GTF2F2: variants seen among roughly 807,000 people sequenced by gnomAD.
GTF2F2 encodes the protein general transcription factor IIF subunit 2.
In GTF2F2, 23 loss-of-function variants were observed where a neutral mutation model predicts 42.2. The ratio of observed to expected loss-of-function variants is 0.55; its 90% CI spans 0.39 to 0.77. The LOEUF (loss-of-function observed/expected upper bound fraction) is 0.77, where lower values mean the gene tolerates loss of function less well. Ranked by LOEUF, GTF2F2 falls within the 30% of genes least tolerant of loss-of-function variation. The pLI is 0.00. For synonymous variants in GTF2F2, 105 were observed against 100.8 expected (o/e 1.04, Z -0.25); for missense variants, 261 against 287.2 (o/e 0.91, Z 0.66).
intron 5 of GTF2F2, among the ~76,000 whole-genome samples, chr13:45,231,394 C>T (rs1395193439): frequency 6.6e-6 from 1 of 152,200 alleles, no homozygotes; most frequent in Non-Finnish European, 1.5e-5. Context: ...GCATGAGCCA[C>T]TGTGCCGGCC....
At chr13:45,248,534 C>T (rs572786716) in intron 5 of GTF2F2, among the ~76,000 whole-genome samples, 9 of 151,868 alleles carry the variant, frequency 5.9e-5, no homozygotes, top group South Asian at 2.1e-4. Context: ...AGTGCAATGG[C>T]GCGATCTCAG....
At chr13:45,149,266 C>T (rs2138116716) in intron 2 of GTF2F2, among the ~76,000 whole-genome samples, 1 of 148,108 alleles carries the variant, frequency 6.8e-6, no homozygotes, top group South Asian at 2.1e-4. Context: ...GAGACCTTGT[C>T]TCTACAAAAA....
At chr13:45,147,874 T>A (rs1870279187) in intron 2 of GTF2F2, among the ~76,000 whole-genome samples, 1 of 152,214 alleles carries the variant, frequency 6.6e-6, no homozygotes, top group African/African-American at 2.4e-5. Flanking sequence ...CTCACTCACT[T>A]CTTTTCCTGG....
intron 5 of GTF2F2, among the ~76,000 whole-genome samples, chr13:45,221,207 A>G (rs1346144709): frequency 6.6e-6 from 1 of 152,080 alleles, no homozygotes; most frequent in East Asian, 1.9e-4. Context: ...GCAGTTTCTC[A>G]GGTAAAAAAC....
chr13:45,190,643 C>T (rs1021991099), intron 4 of GTF2F2, among the ~76,000 whole-genome samples: 4 of 152,160 alleles, frequency 2.6e-5, no homozygotes, highest in African/African-American at 9.7e-5. Flanking sequence ...ATGTATGTTC[C>T]TAGCATGGTA....
At chr13:45,153,593 C>T (rs905464676) in intron 4 of GTF2F2, among the ~76,000 whole-genome samples, 23 of 152,030 alleles carry the variant, frequency 1.5e-4, no homozygotes, top group African/African-American at 5.6e-4. Context: ...ATATTTATTG[C>T]GTGCTACATA....
intron 7 of GTF2F2, among the ~76,000 whole-genome samples, chr13:45,274,820 A>G (rs7987868): frequency 0.96 from 145,419 of 152,084 alleles, 69,598 homozygotes; most frequent in East Asian, 1. Flanking sequence ...GCATGTGCCT[A>G]TAGTTCCCGG....
chr13:45,259,912 A>C (rs1201127028), intron 6 of GTF2F2, among the ~76,000 whole-genome samples: 1 of 152,104 alleles, frequency 6.6e-6, no homozygotes, highest in Non-Finnish European at 1.5e-5. Flanking sequence ...TTTAAAAAGA[A>C]TTAATATTTC....
intron 4 of GTF2F2, among the ~76,000 whole-genome samples, chr13:45,159,388 TTTTC>T (rs768582205): frequency 2.6e-5 from 4 of 152,184 alleles, no homozygotes; most frequent in Non-Finnish European, 5.9e-5. Context: ...AAGGTAAGCG[TTTTC>T]TTTCTTTCTT....
intron 7 of GTF2F2, among the ~76,000 whole-genome samples, chr13:45,281,531 A>T (rs527496426): frequency 1.3e-5 from 2 of 152,352 alleles, no homozygotes; most frequent in African/African-American, 4.8e-5. Flanking sequence ...AAGAACCTTA[A>T]GCCAGATGTG....
chr13:45,156,486 G>A (rs1870762424), intron 4 of GTF2F2, among the ~76,000 whole-genome samples: 1 of 152,140 alleles, frequency 6.6e-6, no homozygotes, highest in Admixed American at 6.5e-5. Context: ...ATTCATTAAA[G>A]CAAAAAACTT....
chr13:45,131,328 C>G (rs1300645943), intron 1 of GTF2F2, among the ~76,000 whole-genome samples: 1 of 151,744 alleles, frequency 6.6e-6, no homozygotes, highest in Admixed American at 6.6e-5. Context: ...AAAGGAGAGT[C>G]CAGAGAAGTA....
At chr13:45,265,858 C>A (rs1375853046) in intron 6 of GTF2F2, among the ~76,000 whole-genome samples, 1 of 152,118 alleles carries the variant, frequency 6.6e-6, no homozygotes, top group African/African-American at 2.4e-5. Flanking sequence ...TATAATTATT[C>A]CAGCTGACCC....
At chr13:45,248,626 A>T (rs1875748855) in intron 5 of GTF2F2, among the ~76,000 whole-genome samples, 1 of 152,032 alleles carries the variant, frequency 6.6e-6, no homozygotes, top group African/African-American at 2.4e-5. Flanking sequence ...GGCGCCTGCC[A>T]CCATGCCCGG....
chr13:45,166,392 G>A (rs1471841794), intron 4 of GTF2F2, among the ~76,000 whole-genome samples: 3 of 152,190 alleles, frequency 2.0e-5, no homozygotes. Flanking sequence ...AGTCATTCAT[G>A]TTACTATGAA....
chr13:45,226,229 AG>A (rs946322275), intron 5 of GTF2F2, among the ~76,000 whole-genome samples: 78 of 152,322 alleles, frequency 5.1e-4, no homozygotes, highest in African/African-American at 1.9e-3. Flanking sequence ...CCTAACCAAA[AG>A]GAAATTTGAG....
chr13:45,238,037 T>C (rs1208179694), intron 5 of GTF2F2, among the ~76,000 whole-genome samples: 1 of 152,206 alleles, frequency 6.6e-6, no homozygotes, highest in Admixed American at 6.5e-5. Flanking sequence ...CACCGCAACC[T>C]CTGCTTCCCA....
chr13:45,126,919 C>T (rs1869036875), intron 1 of GTF2F2, among the ~76,000 whole-genome samples: 1 of 152,056 alleles, frequency 6.6e-6, no homozygotes, highest in South Asian at 2.1e-4. Flanking sequence ...GCAACCATAC[C>T]CTGTTGTACT....
chr13:45,252,354 C>G (rs930037311), intron 5 of GTF2F2, among the ~76,000 whole-genome samples: 10 of 151,926 alleles, frequency 6.6e-5, no homozygotes, highest in Non-Finnish European at 1.5e-4. Flanking sequence ...AGATGGTGTC[C>G]TGCAGTAGTT....
Sources: allele counts gnomAD v4.1 joint callset (sites outside exome capture counted in the v4.1 genomes callset), GRCh38; gene constraint gnomAD v4.1.1; transcripts MANE v1.5; gene names NCBI Gene and HGNC (gene_info 2026-07-23, HGNC 2026-07-21).